The following EXOC6B variants were observed in gnomAD, a reference collection of about 807,000 sequenced individuals.
EXOC6B encodes exocyst complex component 6B.
EXOC6B carries 54 observed loss-of-function variants against 113.5 expected under a neutral mutation model. The observed-to-expected ratio is 0.48, with a 90% CI of 0.38 to 0.60. EXOC6B has a LOEUF of 0.60. EXOC6B is among the 20% of genes least tolerant of loss of function. The pLI is 0.00. For missense variants in EXOC6B, 797 were observed against 977.5 expected (o/e 0.82, Z 2.46); for synonymous variants, 357 against 339.0 (o/e 1.05, Z -0.58).
At chr2:72,376,879 T>A (rs1464553129) in intron 19 of EXOC6B, among the ~76,000 whole-genome samples, 1 of 151,520 alleles carries the variant, frequency 6.6e-6, no homozygotes, top group Non-Finnish European at 1.5e-5. Flanking sequence ...CTTCAAAGGC[T>A]ATTGAGTTTT....
At chr2:72,412,255 T>G (rs1694233129) in intron 18 of EXOC6B, among the ~76,000 whole-genome samples, 1 of 152,236 alleles carries the variant, frequency 6.6e-6, no homozygotes, top group Non-Finnish European at 1.5e-5. Flanking sequence ...TGAAATATTA[T>G]CTGTTATAGG....
intron 1 of EXOC6B, among the ~76,000 whole-genome samples, chr2:72,767,831 A>AAAAAAAAAAAAAAAAAAAAAC (rs1204403797): frequency 7.0e-6 from 1 of 142,856 alleles, no homozygotes; most frequent in African/African-American, 2.6e-5. Context: ...AAAAAAAAAA[A>AAAAAAAAAAAAAAAAAAAAAC]AAGACCAAGT....
At position 72,825,492 on chromosome 2, in the gene EXOC6B, G is replaced by A. The variant is rs1263544925; in HGVS notation, c.113+306C>T. 6.6e-6 allele frequency among the ~76,000 whole-genome samples: 1 copy of A among 152,214 alleles called. No individual in the cohort carries two copies. Among genetic ancestry groups the A allele is most frequent in the Admixed American group, 6.5e-5 (1 of 15,288 alleles). ...TGTCCCCAGGGGGAAGATCTGCCGG[G>A]AGCCACCACCATCTGTCGGGCGCCC... On this transcript the variant is annotated intron_variant, in intron 1 of 21. Transcript: ENST00000272427. This position sits in a 1 kb window ranked among gnomAD's most constrained non-coding sequence, Gnocchi z 4.4.
intron 17 of EXOC6B, among the ~76,000 whole-genome samples, chr2:72,475,001 T>C (rs552478775): frequency 9.2e-5 from 14 of 152,216 alleles, no homozygotes; most frequent in Non-Finnish European, 1.9e-4. Flanking sequence ...CTCTGTACGA[T>C]TCCTTCAGGT....
At chr2:72,606,647 T>C (rs1298878182) in intron 6 of EXOC6B, among the ~76,000 whole-genome samples, 1 of 151,758 alleles carries the variant, frequency 6.6e-6, no homozygotes, top group Non-Finnish European at 1.5e-5. Context: ...TTTTTTTTTT[T>C]AGACAGGGTC....
intron 19 of EXOC6B, among the ~76,000 whole-genome samples, chr2:72,365,039 T>A (rs938979320): frequency 1.3e-5 from 2 of 152,148 alleles, no homozygotes; most frequent in Non-Finnish European, 2.9e-5. Context: ...CAGAGGAATG[T>A]GAAACAACTT....
chr2:72,729,120 C>G (rs1680483269), intron 5 of EXOC6B, among the ~76,000 whole-genome samples: 1 of 151,928 alleles, frequency 6.6e-6, no homozygotes, highest in African/African-American at 2.4e-5. Flanking sequence ...TCTACATAAA[C>G]TTTTTTAGAC....
chr2:72,189,069 T>C (rs572267742), intron 20 of EXOC6B, among the ~76,000 whole-genome samples: 1 of 152,352 alleles, frequency 6.6e-6, no homozygotes, highest in Non-Finnish European at 1.5e-5. Flanking sequence ...TCAGTTAATT[T>C]AATGTTGATA....
intron 20 of EXOC6B, among the ~76,000 whole-genome samples, chr2:72,190,939 T>C (rs761430736): frequency 2.6e-5 from 4 of 152,232 alleles, no homozygotes; most frequent in Non-Finnish European, 4.4e-5. Flanking sequence ...GAAATTCTGA[T>C]AAATGTTAAG....
At chr2:72,634,177 C>A (rs1391931555) in intron 6 of EXOC6B, among the ~76,000 whole-genome samples, 1 of 152,150 alleles carries the variant, frequency 6.6e-6, no homozygotes, top group South Asian at 2.1e-4. Context: ...AAGATACAGG[C>A]AGCTTTCATG....
chr2:72,788,062 A>G (rs1684474471), intron 1 of EXOC6B, among the ~76,000 whole-genome samples: 1 of 152,348 alleles, frequency 6.6e-6, no homozygotes, highest in Non-Finnish European at 1.5e-5. Context: ...CTTACCTGAC[A>G]TAGTTCAGTA....
intron 19 of EXOC6B, among the ~76,000 whole-genome samples, chr2:72,344,107 T>C (rs572404246): frequency 7.9e-4 from 120 of 152,298 alleles, no homozygotes; most frequent in African/African-American, 2.7e-3. Context: ...TTAGGTTCTG[T>C]TTACTTTTTT....
chr2:72,247,464 G>T (rs1333286767), intron 20 of EXOC6B, among the ~76,000 whole-genome samples: 3 of 152,236 alleles, frequency 2.0e-5, no homozygotes, highest in African/African-American at 7.2e-5. Flanking sequence ...CACAGATGTA[G>T]TTGTTTGCTT....
intron 12 of EXOC6B, among the ~76,000 whole-genome samples, chr2:72,499,381 C>A (rs958565575): frequency 6.6e-6 from 1 of 151,782 alleles, no homozygotes; most frequent in South Asian, 2.1e-4. Context: ...CAGGCACTTA[C>A]CACCACATCC....
At chr2:72,244,787 C>T (rs780795756) in intron 20 of EXOC6B, among the ~76,000 whole-genome samples, 2 of 151,862 alleles carry the variant, frequency 1.3e-5, no homozygotes, top group Non-Finnish European at 2.9e-5. Context: ...GCAACTATAG[C>T]GAGGGTGCAG....
At chr2:72,382,694 C>CT (rs554943778) in intron 18 of EXOC6B, among the ~76,000 whole-genome samples, 57 of 152,150 alleles carry the variant, frequency 3.7e-4, no homozygotes, top group African/African-American at 1.3e-3. Context: ...TGAGTCATCT[C>CT]TGATTTATTT....
intron 7 of EXOC6B, among the ~76,000 whole-genome samples, chr2:72,574,225 C>T (rs188664160): frequency 2.8e-4 from 43 of 151,924 alleles, no homozygotes; most frequent in Non-Finnish European, 5.6e-4. Flanking sequence ...TTTTTCAGCT[C>T]AAATAGTTTA....
chr2:72,502,576 T>C (rs1421101555), intron 11 of EXOC6B, among the ~76,000 whole-genome samples: 1 of 152,126 alleles, frequency 6.6e-6, no homozygotes, highest in African/African-American at 2.4e-5. Flanking sequence ...AAATACAGGA[T>C]GGGTAAAGAG....
intron 18 of EXOC6B, among the ~76,000 whole-genome samples, chr2:72,400,596 A>C (rs1007800526): frequency 6.6e-6 from 1 of 152,044 alleles, no homozygotes; most frequent in Admixed American, 6.6e-5. Flanking sequence ...ATCAACAAGA[A>C]AAAAATAAAT....
Sources: allele counts gnomAD v4.1 joint callset (sites outside exome capture counted in the v4.1 genomes callset), GRCh38; gene constraint gnomAD v4.1.1; non-coding constraint Gnocchi (gnomAD v3.1); transcripts MANE v1.5; gene names NCBI Gene and HGNC (gene_info 2026-07-23, HGNC 2026-07-21).